The following OTUD7A variants were observed in gnomAD, a reference collection of about 807,000 sequenced individuals.
The protein encoded by OTUD7A is OTU domain-containing protein 7A.
A neutral mutation model predicts 65.7 loss-of-function variants in OTUD7A; 12 were observed. That is an observed-to-expected ratio of 0.18 (90% CI 0.12 to 0.30). The LOEUF (loss-of-function observed/expected upper bound fraction) is 0.30, where lower values mean the gene tolerates loss of function less well. Among genes scored for constraint, OTUD7A ranks in the 10% least tolerant of loss-of-function variants. OTUD7A has a pLI of 1.00. For missense variants in OTUD7A, 1,148 were observed against 1,304.8 expected (o/e 0.88, Z 1.85); for synonymous variants, 641 against 586.3 (o/e 1.09, Z -1.35).
At chr15:31,745,681 C>CA (rs1158136874) in intron 1 of OTUD7A, among the ~76,000 whole-genome samples, 3 of 152,036 alleles carry the variant, frequency 2.0e-5, no homozygotes, top group Admixed American at 6.5e-5. Context: ...AAAAAATGAA[C>CA]ATGTTAGACT....
chr15:31,835,033 C>T (rs1897021340), intron 1 of OTUD7A, among the ~76,000 whole-genome samples: 2 of 152,182 alleles, frequency 1.3e-5, no homozygotes, highest in African/African-American at 4.8e-5. Flanking sequence ...CCACAAGCAC[C>T]AGTGGAAAAA....
At chr15:31,646,085 C>T (rs762285109) in intron 3 of OTUD7A, among the ~76,000 whole-genome samples, 8 of 152,184 alleles carry the variant, frequency 5.3e-5, no homozygotes, top group Non-Finnish European at 8.8e-5. Flanking sequence ...AAGTGTTTAA[C>T]GACATGACTC....
At chr15:31,560,752 G>A (rs748927764) in intron 4 of OTUD7A, among the ~76,000 whole-genome samples, 2 of 152,192 alleles carry the variant, frequency 1.3e-5, no homozygotes, top group African/African-American at 4.8e-5. Flanking sequence ...ATTCCCTGAG[G>A]TCCCAAGGAA....
intron 9 of OTUD7A, 81 bp from the exon 10 acceptor site, chr15:31,501,920 A>C: frequency 6.8e-7 from 1 of 1,461,122 alleles, no homozygotes; most frequent in Admixed American, 2.0e-5. Flanking sequence ...CCTGTCCCTC[A>C]CTACCCCGGG....
intron 5 of OTUD7A, 161 bp downstream of exon 5, chr15:31,558,808 C>T (rs148023445): frequency 1.3e-4 from 98 of 748,434 alleles, no homozygotes; most frequent in Admixed American, 8.6e-4. Context: ...AGAACACTGT[C>T]GGCCCGTAGA....
intron 1 of OTUD7A, among the ~76,000 whole-genome samples, chr15:31,670,954 C>T (rs1442326351): frequency 1.3e-5 from 2 of 151,766 alleles, no homozygotes; most frequent in Admixed American, 6.5e-5. Context: ...GAGATTGCAC[C>T]ACTGCACTCC....
chr15:31,555,087 G>A (rs1204344749), intron 5 of OTUD7A, among the ~76,000 whole-genome samples: 2 of 152,130 alleles, frequency 1.3e-5, no homozygotes, highest in African/African-American at 2.4e-5. Context: ...TATGTGGCTC[G>A]GGAGGCCAGG....
chr15:31,604,486 C>G (rs1425705160), intron 3 of OTUD7A, among the ~76,000 whole-genome samples: 6 of 152,104 alleles, frequency 3.9e-5, no homozygotes, highest in Non-Finnish European at 8.8e-5. Flanking sequence ...GGAGAAATAC[C>G]TAATGTAGAT....
chr15:31,632,779 G>C (rs1388569343), intron 3 of OTUD7A, among the ~76,000 whole-genome samples: 2 of 137,458 alleles, frequency 1.5e-5, no homozygotes, highest in African/African-American at 3.1e-5. Flanking sequence ...CACCCAGTTC[G>C]AGCTTCCCGG....
chr15:31,743,764 A>G lies in OTUD7A; in HGVS notation c.-99-86687T>C, dbSNP rs1195079835. Among the ~76,000 whole-genome samples, 4 of 152,068 alleles carry G rather than the reference A, an allele frequency of 2.6e-5. 1 individual carries two copies. In the East Asian group the frequency reaches 7.7e-4, roughly 29 times the overall value. On this transcript the variant is annotated intron_variant, in intron 1 of 12. Coordinates refer to ENST00000307050, the MANE Select transcript of OTUD7A (RefSeq NM_001382637.1). Reference sequence around the variant, plus strand: ...TCAAAAAAAAAAGAAAAGAAAAGAAAAGAAGAGAAAATTAAACAATCTAAA... The same window carrying G: ...TCAAAAAAAAAAGAAAAGAAAAGAAGAGAAGAGAAAATTAAACAATCTAAA...
At chr15:31,643,811 G>A (rs1433688946) in intron 3 of OTUD7A, among the ~76,000 whole-genome samples, 1 of 152,166 alleles carries the variant, frequency 6.6e-6, no homozygotes, top group African/African-American at 2.4e-5. Flanking sequence ...TGAGAGAGGA[G>A]GTAAAAAGAG....
At chr15:31,652,287 G>A (rs574958999) in intron 3 of OTUD7A, among the ~76,000 whole-genome samples, 70 of 152,256 alleles carry the variant, frequency 4.6e-4, no homozygotes, top group East Asian at 2.3e-3. Flanking sequence ...TTGGATATCC[G>A]TATGCATAAA....
chr15:31,811,703 GCCTCACCAT>G (rs1896421467), intron 1 of OTUD7A, among the ~76,000 whole-genome samples: 1 of 152,140 alleles, frequency 6.6e-6, no homozygotes, highest in South Asian at 2.1e-4. Flanking sequence ...CCTCACAACT[GCCTCACCAT>G]CCTCACTCTG....
At chr15:31,797,697 C>T (rs185226865) in intron 1 of OTUD7A, among the ~76,000 whole-genome samples, 6 of 152,320 alleles carry the variant, frequency 3.9e-5, no homozygotes, top group African/African-American at 7.2e-5. Context: ...TAAGCCTGGA[C>T]GCATGCTTAC....
chr15:31,484,506 C>T lies in OTUD7A; in HGVS notation c.1590G>A (p.Thr530=), dbSNP rs1315907885. The change falls in exon 13 of 13, where the codon ACG becomes ACA. Residue 530 remains threonine (T), a synonymous_variant. Transcript: ENST00000307050. The surrounding 1 kb of genome is among the most constrained non-coding windows in gnomAD (Gnocchi z 4.5). ...TGTTTTTCTTCAGCTTGATGCCCAG[C>T]GTCTTGCTGAAGCTGCCCAGCTTGT... ...VANKLGSFSK[T]LGIKLKKNMG... 6.2e-7 allele frequency: 1 copy of T among 1,609,648 alleles called. No homozygotes were observed. The highest frequency in any genetic ancestry group is 2.2e-5 in the East Asian group (1 of 44,856).
chr15:31,644,172 T>C (rs1891597743), intron 3 of OTUD7A, among the ~76,000 whole-genome samples: 2 of 151,988 alleles, frequency 1.3e-5, no homozygotes, highest in African/African-American at 2.4e-5. Context: ...ACCTGGGGTT[T>C]TTCACACCCT....
chr15:31,735,713 T>C (rs565063028), intron 1 of OTUD7A, among the ~76,000 whole-genome samples: 1 of 152,326 alleles, frequency 6.6e-6, no homozygotes, highest in South Asian at 2.1e-4. Flanking sequence ...TTACTGGGTA[T>C]ATACCCAAAG....
intron 1 of OTUD7A, among the ~76,000 whole-genome samples, chr15:31,712,791 CAGAAACAG>C (rs1893481725): frequency 7.4e-6 from 1 of 134,844 alleles, no homozygotes; most frequent in Non-Finnish European, 1.6e-5. Context: ...CCCCAAGCCC[CAGAAACAG>C]AAGGACATTG....
At chr15:31,610,469 T>C (rs1890368252) in intron 3 of OTUD7A, among the ~76,000 whole-genome samples, 1 of 151,532 alleles carries the variant, frequency 6.6e-6, no homozygotes, top group South Asian at 2.1e-4. Flanking sequence ...AACAGATATA[T>C]ACAGAACATT....
Sources: gnomAD v4.1 joint callset for allele counts (sites outside exome capture counted in the v4.1 genomes callset) on GRCh38, gnomAD v4.1.1 for gene constraint, Gnocchi (gnomAD v3.1) non-coding constraint, MANE v1.5 for transcripts, NCBI Gene and HGNC (gene_info 2026-07-23, HGNC 2026-07-21) for gene names.